Variants in ERC2 observed in about 807,000 individuals in gnomAD.
ERC2 encodes ELKS/RAB6-interacting/CAST family member 2.
In ERC2, 42 loss-of-function variants were observed where a neutral mutation model predicts 114.8. The observed-to-expected ratio is 0.37, with a 90% CI of 0.29 to 0.47. The LOEUF is 0.47. ERC2 is among the 20% of genes least tolerant of loss of function. The pLI is 0.99. For synonymous variants in ERC2, 454 were observed against 425.5 expected, an observed-to-expected ratio of 1.07 and a Z score of -0.82; for missense variants, 939 against 1,150.7, an observed-to-expected ratio of 0.82 and a Z score of 2.66.
chr3:55,998,787 G>A (rs1054923290), intron 10 of ERC2, among the ~76,000 whole-genome samples: 1 of 152,124 alleles, frequency 6.6e-6, no homozygotes, highest in African/African-American at 2.4e-5. Flanking sequence ...AATGAAACAT[G>A]CCTGCTTTTT....
chr3:56,141,913 C>T (rs1336448356), intron 5 of ERC2, among the ~76,000 whole-genome samples: 1 of 152,028 alleles, frequency 6.6e-6, no homozygotes, highest in Non-Finnish European at 1.5e-5. Flanking sequence ...CCTATGCTGT[C>T]CTTGTCAGGT....
intron 2 of ERC2, among the ~76,000 whole-genome samples, chr3:56,328,517 G>T (rs759714996): frequency 2.6e-5 from 4 of 152,144 alleles, no homozygotes; most frequent in Non-Finnish European, 4.4e-5. Flanking sequence ...GGAAGATAAG[G>T]TACAAACGGG....
At chr3:56,348,949 AAGGAAGGAAAGAAAGAAAGAAG>A (rs2058438687) in intron 2 of ERC2, among the ~76,000 whole-genome samples, 1 of 137,746 alleles carries the variant, frequency 7.3e-6, no homozygotes, top group Non-Finnish European at 1.6e-5. Context: ...GGAAGGAAGG[AAGGAAGGAAAGAAAGAAAGAAG>A]GAAAGAAAGA....
At chr3:56,279,461 A>G (rs928501695) in intron 3 of ERC2, among the ~76,000 whole-genome samples, 1 of 152,232 alleles carries the variant, frequency 6.6e-6, no homozygotes, top group Non-Finnish European at 1.5e-5. Context: ...AGTAAGGGTT[A>G]GTCAAGTGAG....
intron 13 of ERC2, among the ~76,000 whole-genome samples, chr3:55,911,951 G>A (rs1288106838): frequency 6.6e-6 from 1 of 152,164 alleles, no homozygotes; most frequent in African/African-American, 2.4e-5. Context: ...GAGGAGGAAT[G>A]GCCCTTCTAC....
chr3:56,188,412 A>G (rs2083766187), intron 3 of ERC2, among the ~76,000 whole-genome samples: 1 of 152,144 alleles, frequency 6.6e-6, no homozygotes, highest in Non-Finnish European at 1.5e-5. Flanking sequence ...AAGGAATGGC[A>G]TATGAATCAA....
intron 16 of ERC2, among the ~76,000 whole-genome samples, chr3:55,698,607 C>T (rs1002716142): frequency 1.3e-5 from 2 of 152,134 alleles, no homozygotes; most frequent in African/African-American, 4.8e-5. Flanking sequence ...ATCAGTTACA[C>T]TAGGATCACC....
intron 14 of ERC2, among the ~76,000 whole-genome samples, chr3:55,869,519 C>G (rs2062473009): frequency 6.6e-6 from 1 of 152,050 alleles, no homozygotes. Context: ...ATTCTTCTGT[C>G]CCCCCTTCTT....
At chr3:56,025,592 A>G (rs943911757) in intron 7 of ERC2, among the ~76,000 whole-genome samples, 5 of 152,148 alleles carry the variant, frequency 3.3e-5, no homozygotes, top group Non-Finnish European at 7.3e-5. Flanking sequence ...TCACATAGAA[A>G]ATCACCCTCC....
intron 2 of ERC2, among the ~76,000 whole-genome samples, chr3:56,331,821 C>T (rs1481064818): frequency 3.3e-5 from 5 of 152,322 alleles, no homozygotes; most frequent in Admixed American, 3.3e-4. Flanking sequence ...GGTCCATGAC[C>T]TCCTCACTCT....
At chr3:55,671,844 C>T (rs1157735134) in intron 17 of ERC2, among the ~76,000 whole-genome samples, 1 of 152,070 alleles carries the variant, frequency 6.6e-6, no homozygotes, top group Admixed American at 6.6e-5. Context: ...ATTCTGTGCA[C>T]CCTAATTCTA....
chr3:56,036,504 A>T (rs1560064923), intron 7 of ERC2, among the ~76,000 whole-genome samples: 1 of 152,228 alleles, frequency 6.6e-6, no homozygotes, highest in Admixed American at 6.5e-5. Flanking sequence ...GACTGGAAGC[A>T]GCTGCCGTCA....
At chr3:55,770,609 T>C (rs1157911943) in intron 14 of ERC2, among the ~76,000 whole-genome samples, 2 of 152,148 alleles carry the variant, frequency 1.3e-5, no homozygotes, top group Non-Finnish European at 2.9e-5. Flanking sequence ...AAACTGTTGG[T>C]TTTTAATTTT....
At chr3:55,624,398 C>T (rs1430229254) in intron 17 of ERC2, among the ~76,000 whole-genome samples, 2 of 152,054 alleles carry the variant, frequency 1.3e-5, no homozygotes, top group African/African-American at 4.8e-5. Context: ...ACACAGAGAA[C>T]GTGGTGTTTC....
chr3:55,931,042 C>T (rs2066049065), intron 13 of ERC2, among the ~76,000 whole-genome samples: 1 of 152,158 alleles, frequency 6.6e-6, no homozygotes, highest in Non-Finnish European at 1.5e-5. Flanking sequence ...CAAATCAAAA[C>T]CACAATGAGA....
intron 17 of ERC2, among the ~76,000 whole-genome samples, chr3:55,518,582 C>A (rs1455757786): frequency 2.6e-5 from 4 of 152,174 alleles, no homozygotes; most frequent in Non-Finnish European, 5.9e-5. Flanking sequence ...TGCCAAGCTT[C>A]CTTGTTAAAA....
chr3:55,752,972 G>A (rs1463325311), intron 14 of ERC2, among the ~76,000 whole-genome samples: 2 of 152,172 alleles, frequency 1.3e-5, no homozygotes, highest in African/African-American at 4.8e-5. Flanking sequence ...GTGCTCGGAT[G>A]TTTATTTCAT....
chr3:56,113,040 A>C (rs1379158838), intron 6 of ERC2, among the ~76,000 whole-genome samples: 1 of 152,242 alleles, frequency 6.6e-6, no homozygotes, highest in Non-Finnish European at 1.5e-5. Context: ...TGGCCAAGTT[A>C]CTGAGAAATT....
At chr3:56,241,039 T>C (rs1194052150) in intron 3 of ERC2, among the ~76,000 whole-genome samples, 1 of 152,166 alleles carries the variant, frequency 6.6e-6, no homozygotes, top group African/African-American at 2.4e-5. Flanking sequence ...CATATACCCA[T>C]TGTTTAGCTC....
Sources: allele counts gnomAD v4.1 joint callset (sites outside exome capture counted in the v4.1 genomes callset), GRCh38; gene constraint gnomAD v4.1.1; transcripts MANE v1.5; gene names NCBI Gene and HGNC (gene_info 2026-07-23, HGNC 2026-07-21).